The following AFF1 variants were observed in gnomAD, a reference collection of about 807,000 sequenced individuals.
AFF1 encodes AF4/FMR2 family member 1.
AFF1 carries 48 observed loss-of-function variants against 121.7 expected under a neutral mutation model. That is an observed-to-expected ratio of 0.39 (90% CI 0.31 to 0.50). AFF1 has a LOEUF of 0.50. Among genes scored for constraint, AFF1 ranks in the 20% least tolerant of loss-of-function variants. The pLI, the probability that AFF1 is intolerant of heterozygous loss-of-function variation, is 0.76. For synonymous variants in AFF1, 613 were observed against 563.0 expected, an observed-to-expected ratio of 1.09 and a Z score of -1.26; for missense variants, 1,523 against 1,511.7, an observed-to-expected ratio of 1.01 and a Z score of -0.12.
At chr4:86,963,166 CAAAAAAA>C (rs11341612) in intron 2 of AFF1, among the ~76,000 whole-genome samples, 8 of 63,288 alleles carry the variant, frequency 1.3e-4, no homozygotes, top group African/African-American at 3.4e-4. Flanking sequence ...ACTCCCATCT[CAAAAAAA>C]AAAAAAAAAA....
chr4:87,139,797 C>T lies in AFF1; in HGVS notation c.*4096C>T. 4.4e-6 allele frequency: 1 copy of T among 225,782 alleles called. No individual in the cohort carries two copies. 14.0% of individuals were successfully genotyped at this position (225,782 alleles called of 1,614,324 possible). ...TCAAACACTGCAAGTGATATTGCCA[C>T]CATGTGAACCTCAAATATGCAATCC... is the stretch of plus-strand genomic sequence containing the variant. On this transcript the variant is annotated 3_prime_UTR_variant, in exon 21 of 21. Coordinates refer to ENST00000395146, the MANE Select transcript of AFF1 (RefSeq NM_001166693.3).
chr4:87,076,361 T>C (rs1722672606), intron 4 of AFF1, among the ~76,000 whole-genome samples: 1 of 152,218 alleles, frequency 6.6e-6, no homozygotes. Flanking sequence ...TGTGTTAGTC[T>C]TCACATGTGG....
chr4:87,081,217 A>T (rs1352840117), intron 4 of AFF1, among the ~76,000 whole-genome samples: 1 of 129,118 alleles, frequency 7.7e-6, no homozygotes, highest in Non-Finnish European at 1.5e-5. Context: ...GCTGGACTAC[A>T]GTGGCCCAAT....
intron 2 of AFF1, among the ~76,000 whole-genome samples, chr4:86,956,169 G>A (rs1312937903): frequency 6.6e-6 from 1 of 152,178 alleles, no homozygotes; most frequent in Non-Finnish European, 1.5e-5. Flanking sequence ...TGATTTACAA[G>A]TGCAATAATA....
Position 87,114,861 on chromosome 4 carries a change from G to A in AFF1, c.2028G>A (p.Lys676=), listed in dbSNP as rs1726928029. The A allele has an allele frequency of 1.2e-6, 2 of 1,613,896 alleles. No homozygotes were observed. Among genetic ancestry groups the A allele is most frequent in the Non-Finnish European group, 8.5e-7 (1 of 1,179,978 alleles). Residue 676 remains lysine, a synonymous_variant, in exon 12 of 21, where the codon AAG becomes AAA. Transcript: ENST00000395146. ...PKPAVPPSSE[K]KKHKSSLPAP... Reference sequence around the variant, plus strand: ...CAGCAGTGCCCCCCTCCAGTGAGAAGAAGAAGCACAAGAGCTCCCTCCCTG... The same window carrying A: ...CAGCAGTGCCCCCCTCCAGTGAGAAAAAGAAGCACAAGAGCTCCCTCCCTG...
chr4:87,088,765 T>C (rs1248692797), intron 5 of AFF1, among the ~76,000 whole-genome samples: 10 of 66,550 alleles, frequency 1.5e-4, no homozygotes, highest in Non-Finnish European at 3.0e-4. Context: ...CGGCTCATTT[T>C]TGTATTTTTG....
chr4:86,949,542 T>A (rs79480171), intron 2 of AFF1: 18,850 of 154,810 alleles, frequency 0.12, 577 homozygotes, highest in African/African-American at 0.22. Flanking sequence ...TTATTATTTT[T>A]TTTTTTTTTT....
At chr4:87,127,171 C>G (rs573792421) in intron 15 of AFF1, 54 bp downstream of exon 15, 9 of 1,296,296 alleles carry the variant, frequency 6.9e-6, no homozygotes, top group South Asian at 1.2e-5. Flanking sequence ...TTGCTTCCCC[C>G]CCCCACCAAG....
chr4:87,004,179 A>G (rs1725919213), intron 2 of AFF1, among the ~76,000 whole-genome samples: 1 of 152,198 alleles, frequency 6.6e-6, no homozygotes, highest in Non-Finnish European at 1.5e-5. Flanking sequence ...AACTGAATCT[A>G]GGTGCTAAGA....
intron 8 of AFF1, among the ~76,000 whole-genome samples, chr4:87,100,782 AT>A (rs1332656792): frequency 6.6e-6 from 1 of 152,158 alleles, no homozygotes; most frequent in African/African-American, 2.4e-5. Flanking sequence ...AATATTTTAG[AT>A]TTTGTTTCTG....
intron 18 of AFF1, 46 bp from the exon 19 acceptor site, chr4:87,132,225 G>T: frequency 6.3e-7 from 1 of 1,588,608 alleles, no homozygotes; most frequent in South Asian, 1.1e-5. Context: ...CTGCTTTTCT[G>T]TAGTATGATA....
chr4:87,111,715 T>C (rs572319433), intron 11 of AFF1, among the ~76,000 whole-genome samples: 1 of 152,202 alleles, frequency 6.6e-6, no homozygotes, highest in Non-Finnish European at 1.5e-5. Flanking sequence ...ACCCAAATAA[T>C]GTATCAAATT....
At chr4:87,051,433 G>A (rs2007132) in intron 4 of AFF1, among the ~76,000 whole-genome samples, 5 of 143,640 alleles carry the variant, frequency 3.5e-5, no homozygotes, top group Non-Finnish European at 6.1e-5. Flanking sequence ...TTTTTTTAAC[G>A]TACTCATTCA....
chr4:87,111,015 T>TTATTTTATTTTA lies in AFF1; in HGVS notation c.1533+2701_1533+2702insATTTTATTTTAT, dbSNP rs1287340826. ...TAAACTTTATTTTTTTTTTTTTATT[T>TTATTTTATTTTA]TTTTTTTTTTGAGACGGAGTCTCGC... On this transcript the variant is annotated intron_variant, in intron 11 of 20. Coordinates refer to ENST00000395146, the MANE Select transcript of AFF1 (RefSeq NM_001166693.3). Among the ~76,000 whole-genome samples, 30 of 27,596 alleles carry TTATTTTATTTTA rather than the reference T, an allele frequency of 1.1e-3. 8 individuals carry two copies. Among genetic ancestry groups the TTATTTTATTTTA allele is most frequent in the African/African-American group, 2.8e-3 (27 of 9,744 alleles). 18.1% of individuals were successfully genotyped at this position (27,596 alleles called of 152,430 possible).
At chr4:87,037,975 AAAAT>A (rs1156760628) in intron 2 of AFF1, among the ~76,000 whole-genome samples, 2 of 137,874 alleles carry the variant, frequency 1.5e-5, no homozygotes, top group Non-Finnish European at 3.3e-5. Flanking sequence ...TAAAACTTTA[AAAAT>A]AAATACTATA....
Position 87,046,855 on chromosome 4 carries a change from G to A in AFF1, c.320G>A (p.Ser107Asn). 1.2e-6 allele frequency: 2 copies of A among 1,614,216 alleles called. No individual in the cohort carries two copies. Among genetic ancestry groups the A allele is most frequent in the Non-Finnish European group, 1.7e-6 (2 of 1,180,038 alleles). ...TATCCTTTAATTCCTGACAAAGGGA[G>A]CAGCATTCCATCCAGCTCCTTCCAC... Reference protein sequence around the residue: ...PKYPLIPDKGSSIPSSSFHTS... With the variant: ...PKYPLIPDKGNSIPSSSFHTS... Residue 107 changes from serine to asparagine, a missense_variant, in exon 4 of 21, where the codon AGC (serine) becomes AAC (asparagine). Around this residue, in one of 5 missense-constraint regions of AFF1, gnomAD observed 369 missense variants for 367.2 expected, o/e 1.00. Transcript: ENST00000395146.
intron 8 of AFF1, among the ~76,000 whole-genome samples, chr4:87,099,206 G>A (rs1254151540): frequency 6.6e-6 from 1 of 152,136 alleles, no homozygotes; most frequent in East Asian, 1.9e-4. Context: ...TAAATATTAT[G>A]GAAGTGGTAG....
At chr4:86,951,134 A>G (rs893043430) in intron 2 of AFF1, among the ~76,000 whole-genome samples, 1 of 152,142 alleles carries the variant, frequency 6.6e-6, no homozygotes, top group Non-Finnish European at 1.5e-5. Flanking sequence ...AGATTTAGCA[A>G]CCCTGGGCTT....
intron 1 of AFF1, among the ~76,000 whole-genome samples, chr4:86,947,845 C>G (rs1318781038): frequency 1.3e-4 from 19 of 150,644 alleles, no homozygotes; most frequent in Admixed American, 1.3e-3. Context: ...GATTAAGTAC[C>G]TTTAATGAGT....
Sources: allele counts gnomAD v4.1 joint callset (sites outside exome capture counted in the v4.1 genomes callset), GRCh38; gene constraint gnomAD v4.1.1; regional missense constraint gnomAD v4.1.1; transcripts MANE v1.5; gene names NCBI Gene and HGNC (gene_info 2026-07-23, HGNC 2026-07-21).